DLG2: variants seen among roughly 807,000 people sequenced by gnomAD.
DLG2 encodes the protein discs large MAGUK scaffold protein 2.
DLG2 carries 45 observed loss-of-function variants against 132.5 expected under a neutral mutation model. The ratio of observed to expected loss-of-function variants is 0.34; its 90% CI spans 0.27 to 0.44. The LOEUF (loss-of-function observed/expected upper bound fraction) is 0.44. Ranked by LOEUF, DLG2 falls within the 20% of genes least tolerant of loss-of-function variation. The pLI is 1.00. For synonymous variants in DLG2, 424 were observed against 419.6 expected (o/e 1.01, Z -0.13); for missense variants, 1,045 against 1,196.9 (o/e 0.87, Z 1.87).
chr11:83,851,232 G>C (rs1332507767), intron 16 of DLG2, among the ~76,000 whole-genome samples: 1 of 151,888 alleles, frequency 6.6e-6, no homozygotes, highest in Non-Finnish European at 1.5e-5. Context: ...CCCAGAATGT[G>C]ACATGTTAGG....
At chr11:83,564,196 G>A (rs1301831825) in intron 19 of DLG2, among the ~76,000 whole-genome samples, 1 of 151,702 alleles carries the variant, frequency 6.6e-6, no homozygotes, top group African/African-American at 2.4e-5. Context: ...CTTGTGACAA[G>A]GTAAGGTATT....
chr11:84,402,881 CAAAAAA>C (rs34476380), intron 7 of DLG2, among the ~76,000 whole-genome samples: 1 of 73,914 alleles, frequency 1.4e-5, no homozygotes, highest in Admixed American at 1.3e-4. Flanking sequence ...AACTCCGTCT[CAAAAAA>C]AAAAAAAAAA....
At chr11:85,588,976 C>T (rs1321270843) in intron 3 of DLG2, among the ~76,000 whole-genome samples, 13 of 152,140 alleles carry the variant, frequency 8.5e-5, no homozygotes, top group African/African-American at 2.9e-4. Flanking sequence ...TACCAGGCTC[C>T]GAGCTGGTGC....
chr11:83,757,809 C>A (rs1018342657), intron 18 of DLG2, among the ~76,000 whole-genome samples: 5 of 152,152 alleles, frequency 3.3e-5, no homozygotes. Context: ...TTTAATATAA[C>A]TACCACCCCC....
intron 6 of DLG2, among the ~76,000 whole-genome samples, chr11:84,999,704 T>C (rs972795493): frequency 3.9e-5 from 6 of 152,164 alleles, no homozygotes; most frequent in African/African-American, 1.4e-4. Flanking sequence ...CTTTATATTA[T>C]GAAATGTTCG....
chr11:84,887,821 A>G (rs539888518), intron 6 of DLG2, among the ~76,000 whole-genome samples: 26 of 148,844 alleles, frequency 1.7e-4, no homozygotes, highest in African/African-American at 6.4e-4. Flanking sequence ...AGAAGAGACT[A>G]TCGATTCCCT....
intron 21 of DLG2, among the ~76,000 whole-genome samples, chr11:83,494,511 C>T (rs1363640119): frequency 6.6e-6 from 1 of 151,456 alleles, no homozygotes; most frequent in Admixed American, 6.6e-5. Flanking sequence ...GAAGGAACAA[C>T]TACCATGTTT....
At chr11:85,118,932 T>C (rs938187795) in intron 5 of DLG2, among the ~76,000 whole-genome samples, 5 of 151,656 alleles carry the variant, frequency 3.3e-5, no homozygotes, top group Admixed American at 6.6e-5. Flanking sequence ...GGGCCTGATA[T>C]ATACTCTAAT....
At chr11:84,802,330 G>A (rs1161578134) in intron 6 of DLG2, among the ~76,000 whole-genome samples, 1 of 152,002 alleles carries the variant, frequency 6.6e-6, no homozygotes, top group Admixed American at 6.6e-5. Flanking sequence ...GATAGGTTAG[G>A]GGAATTAACA....
chr11:84,024,950 T>G (rs2095499799), intron 11 of DLG2, among the ~76,000 whole-genome samples: 1 of 152,160 alleles, frequency 6.6e-6, no homozygotes, highest in East Asian at 1.9e-4. Flanking sequence ...ATATATTAAC[T>G]AGCTTAATTG....
At chr11:85,397,435 C>G (rs970058352) in intron 3 of DLG2, among the ~76,000 whole-genome samples, 1 of 152,114 alleles carries the variant, frequency 6.6e-6, no homozygotes, top group Non-Finnish European at 1.5e-5. Context: ...ATAATATTAA[C>G]CTTAAATGTA....
At chr11:83,495,118 T>C (rs890800631) in intron 21 of DLG2, among the ~76,000 whole-genome samples, 101 of 152,116 alleles carry the variant, frequency 6.6e-4, no homozygotes, top group African/African-American at 2.3e-3. Context: ...GGAAGATCTC[T>C]GATGTGCTCA....
chr11:84,868,180 G>A (rs1172987253), intron 6 of DLG2, among the ~76,000 whole-genome samples: 3 of 145,316 alleles, frequency 2.1e-5, no homozygotes, highest in Non-Finnish European at 4.5e-5. Context: ...TATTATTATT[G>A]TTATGGAAGC....
At chr11:83,628,202 G>A (rs1156588834) in intron 19 of DLG2, among the ~76,000 whole-genome samples, 1 of 152,172 alleles carries the variant, frequency 6.6e-6, no homozygotes, top group Non-Finnish European at 1.5e-5. Flanking sequence ...TTGCTGTGCA[G>A]AAGCTCTTTA....
At chr11:83,957,052 T>A (rs893075517) in intron 14 of DLG2, among the ~76,000 whole-genome samples, 1 of 152,258 alleles carries the variant, frequency 6.6e-6, no homozygotes, top group African/African-American at 2.4e-5. Flanking sequence ...ATATTTTTAC[T>A]TTAAAGCAAA....
chr11:84,927,008 G>A (rs1299292379), intron 6 of DLG2, among the ~76,000 whole-genome samples: 1 of 151,976 alleles, frequency 6.6e-6, no homozygotes, highest in Non-Finnish European at 1.5e-5. Flanking sequence ...AAAGGAAAAA[G>A]TGACTATCAA....
chr11:85,540,940 A>G (rs1161211521), intron 3 of DLG2, among the ~76,000 whole-genome samples: 4 of 152,252 alleles, frequency 2.6e-5, no homozygotes, highest in African/African-American at 9.6e-5. Flanking sequence ...TAGTTGGAAA[A>G]CAACTTTTGT....
rs149200988 is a variant in DLG2 at position 85,445,943 on chromosome 11, G to A, written c.40+152714C>T. ...TGTACACTGCCTCTAATCTACAGAT[G>A]AGAAATTTTAGGCACAGAGATATTA... On this transcript the variant is annotated intron_variant, in intron 3 of 27. Coordinates refer to ENST00000376104, the MANE Select transcript of DLG2 (RefSeq NM_001142699.3). Among the ~76,000 whole-genome samples, 1,307 of 152,262 alleles carry A rather than the reference G, an allele frequency of 8.6e-3. 50 individuals are homozygous for A. The highest frequency in any genetic ancestry group is 0.066 in the Admixed American group (1,005 of 15,298).
At chr11:84,790,360 T>C (rs1262808454) in intron 6 of DLG2, among the ~76,000 whole-genome samples, 1 of 152,238 alleles carries the variant, frequency 6.6e-6, no homozygotes, top group Non-Finnish European at 1.5e-5. Context: ...CCTTTTCATA[T>C]ACCTCTTTAC....
Sources: allele counts gnomAD v4.1 joint callset (sites outside exome capture counted in the v4.1 genomes callset), GRCh38; gene constraint gnomAD v4.1.1; transcripts MANE v1.5; gene names NCBI Gene and HGNC (gene_info 2026-07-23, HGNC 2026-07-21).